Variants in RAPGEF1 observed in about 807,000 individuals in gnomAD.
RAPGEF1 encodes the protein Rap guanine nucleotide exchange factor 1.
RAPGEF1 carries 33 observed loss-of-function variants against 143.3 expected under a neutral mutation model. The ratio of observed to expected loss-of-function variants is 0.23; its 90% CI spans 0.17 to 0.31. RAPGEF1 has a LOEUF of 0.31. Among genes scored for constraint, RAPGEF1 ranks in the 10% least tolerant of loss-of-function variants. RAPGEF1 has a pLI of 1.00. For synonymous variants in RAPGEF1, 629 were observed against 676.5 expected, an observed-to-expected ratio of 0.93 and a Z score of 1.09; for missense variants, 1,199 against 1,645.4, an observed-to-expected ratio of 0.73 and a Z score of 4.69.
In RAPGEF1 at chr9:131,578,324, G is replaced by A. The variant is rs999165860; in HGVS notation, c.*1173C>T. The A allele has an allele frequency of 6.6e-6, 1 of 152,602 alleles. No homozygotes were observed. The highest frequency in any genetic ancestry group is 1.5e-5 in the Non-Finnish European group (1 of 68,328). 9.5% of individuals were successfully genotyped at this position (152,602 alleles called of 1,614,324 possible). ...TCTGCTCTGGAAGCCGCTCTGGCGT[G>A]GGGAGAGTGGGGAGAGGGTGCGCTT... On this transcript the variant is annotated 3_prime_UTR_variant, in exon 27 of 27. Coordinates refer to ENST00000683357, the MANE Select transcript of RAPGEF1 (RefSeq NM_001377935.1).
intron 3 of RAPGEF1, among the ~76,000 whole-genome samples, chr9:131,649,334 C>T (rs1387540921): frequency 1.3e-5 from 2 of 149,578 alleles, no homozygotes; most frequent in Non-Finnish European, 2.9e-5. Context: ...GGATTATAGG[C>T]GTGAACCACT....
intron 5 of RAPGEF1, among the ~76,000 whole-genome samples, chr9:131,632,069 G>A (rs1249933924): frequency 6.6e-6 from 1 of 152,116 alleles, no homozygotes; most frequent in Non-Finnish European, 1.5e-5. Context: ...CCAGGGGTTC[G>A]AGGAGCACTG....
intron 10 of RAPGEF1, 39 bp downstream of exon 10, chr9:131,625,883 T>C (rs756762704): frequency 6.6e-7 from 1 of 1,513,488 alleles, no homozygotes; most frequent in Admixed American, 2.2e-5. Flanking sequence ...TTTCAGGTTA[T>C]AAAATGCACT....
intron 3 of RAPGEF1, among the ~76,000 whole-genome samples, chr9:131,644,469 C>T (rs1443023531): frequency 6.6e-6 from 1 of 151,334 alleles, no homozygotes; most frequent in African/African-American, 2.4e-5. Flanking sequence ...TAGTCGATTA[C>T]ATGTCTAGTG....
chr9:131,600,043 G>A (rs111992864), intron 15 of RAPGEF1, among the ~76,000 whole-genome samples: 3,018 of 152,084 alleles, frequency 0.02, 103 homozygotes, highest in African/African-American at 0.067. Flanking sequence ...TTGAACCCAG[G>A]AGGTGGAGGT....
intron 16 of RAPGEF1, among the ~76,000 whole-genome samples, chr9:131,596,971 G>A (rs1955412192): frequency 6.6e-6 from 1 of 152,206 alleles, no homozygotes; most frequent in South Asian, 2.1e-4. Context: ...TTCTGACGCT[G>A]CACACCTGCC....
At chr9:131,601,151 G>T (rs1361202006) in intron 15 of RAPGEF1, among the ~76,000 whole-genome samples, 2 of 122,496 alleles carry the variant, frequency 1.6e-5, no homozygotes, top group Non-Finnish European at 3.2e-5. Context: ...TAGCCTGGGC[G>T]ACAGAGTGAG....
intron 1 of RAPGEF1, among the ~76,000 whole-genome samples, chr9:131,693,495 G>A (rs1285433257): frequency 2.0e-5 from 3 of 152,022 alleles, no homozygotes; most frequent in Admixed American, 2.0e-4. Context: ...AGTTGTAGCT[G>A]GCATGATAAG....
In RAPGEF1 at chr9:131,602,096, G is replaced by T; in HGVS notation, c.2466C>A (p.Gly822=). 1 of 1,604,224 alleles carries T rather than the reference G, an allele frequency of 6.2e-7. No individual in the cohort carries two copies. The change falls in exon 15 of 27, where the codon GGC becomes GGA. Residue 822 remains glycine, a synonymous_variant. Transcript: ENST00000683357. The part of the protein sequence containing the change: ...GHPRDPSAVS[G]VPGKDSRDGS... ...CGTCTCTGCTGTCCTTCCCAGGGAC[G>T]CCGCTGACCGCTGAGGGATCTCTGG...
chr9:131,640,215 G>A (rs73559689), intron 4 of RAPGEF1, among the ~76,000 whole-genome samples: 3,702 of 152,320 alleles, frequency 0.024, 154 homozygotes, highest in African/African-American at 0.084. Context: ...TGCTTCTAAC[G>A]GCTGGGCTGG....
chr9:131,684,859 C>A (rs913264284), intron 1 of RAPGEF1, among the ~76,000 whole-genome samples: 3 of 152,158 alleles, frequency 2.0e-5, no homozygotes, highest in Non-Finnish European at 2.9e-5. Flanking sequence ...TCCCAAGGAC[C>A]CCTCAGTTGC....
At chr9:131,737,967 C>CA (rs10712540) in intron 1 of RAPGEF1, among the ~76,000 whole-genome samples, 3 of 137,448 alleles carry the variant, frequency 2.2e-5, no homozygotes, top group South Asian at 2.3e-4. Context: ...GACTCCGTCT[C>CA]AAAAAAAAAA....
At chr9:131,713,335 C>G (rs1835642546) in intron 1 of RAPGEF1, among the ~76,000 whole-genome samples, 1 of 152,216 alleles carries the variant, frequency 6.6e-6, no homozygotes, top group African/African-American at 2.4e-5. Context: ...TCCAGCGACT[C>G]CCTTCCCCAT....
At chr9:131,738,492 C>G (rs1434814195) in intron 1 of RAPGEF1, among the ~76,000 whole-genome samples, 1 of 152,116 alleles carries the variant, frequency 6.6e-6, no homozygotes, top group African/African-American at 2.4e-5. Context: ...GAAATGGCAC[C>G]TGAACCCAAG....
In RAPGEF1 at chr9:131,591,469, G is replaced by C. The variant is rs567139994; in HGVS notation, c.2774+630C>G. ...GATGGGCAGGTTTGGACTTGAAGAG[G>C]CAATGGGTCACACAAGTGGGTCCTT... On this transcript the variant is annotated intron_variant, in intron 18 of 26. Transcript: ENST00000683357. 1.4e-4 allele frequency among the ~76,000 whole-genome samples: 21 copies of C among 152,320 alleles called. No individual in the cohort carries two copies. In the East Asian group the frequency reaches 2.7e-3, roughly 20 times the overall value.
At chr9:131,698,604 G>GGCGGGTAGAA (rs1328332832) in intron 1 of RAPGEF1, among the ~76,000 whole-genome samples, 1 of 152,328 alleles carries the variant, frequency 6.6e-6, no homozygotes, top group Admixed American at 6.5e-5. Context: ...GTAGAAGGAG[G>GGCGGGTAGAA]GGGCAGGTCT....
intron 1 of RAPGEF1, among the ~76,000 whole-genome samples, chr9:131,660,587 A>G (rs1232805730): frequency 6.6e-6 from 1 of 152,190 alleles, no homozygotes; most frequent in Non-Finnish European, 1.5e-5. Flanking sequence ...CTGCTCTTCA[A>G]ACAATGCTGC....
chr9:131,737,816 T>G (rs182666104), intron 1 of RAPGEF1, among the ~76,000 whole-genome samples: 92 of 151,852 alleles, frequency 6.1e-4, no homozygotes, highest in Admixed American at 3.3e-3. Context: ...TACAAAAAAA[T>G]TTGCCAGGCG....
In RAPGEF1 at chr9:131,619,146, C is replaced by T. The variant is rs1299140126; in HGVS notation, c.1966G>A (p.Ala656Thr). The change falls in exon 12 of 27, where the codon GCC becomes ACC. Residue 656 changes from alanine to threonine, a missense_variant. Ala to Thr is a moderately conservative substitution (Grantham distance 58). Around this residue, in one of 6 missense-constraint regions of RAPGEF1, gnomAD observed 293 missense variants for 356.2 expected, o/e 0.82. Transcript: ENST00000683357. The stretch of plus-strand genomic sequence containing the variant: ...GCACTGCCGTCCTCGGGGGTGAAGG[C>T]CACTTTAGTTTGCTGGACACAGTGG... ...VSHCVQQTKV[A>T]FTPEDGSAAQ... 1 of 1,320,684 alleles carries T rather than the reference C, an allele frequency of 7.6e-7. No homozygotes were observed. Among genetic ancestry groups the T allele is most frequent in the South Asian group, 1.2e-5 (1 of 82,118 alleles). 81.8% of individuals were successfully genotyped at this position (1,320,684 alleles called of 1,614,324 possible). A position where few individuals can be genotyped will look rare whatever the true frequency, so the allele number is the denominator to read the frequency against.
Sources: gnomAD v4.1 joint callset for allele counts (sites outside exome capture counted in the v4.1 genomes callset) on GRCh38, gnomAD v4.1.1 for gene constraint, gnomAD v4.1.1 regional missense constraint, MANE v1.5 for transcripts, NCBI Gene and HGNC (gene_info 2026-07-23, HGNC 2026-07-21) for gene names.